Variants in ABI3BP observed in about 807,000 individuals in gnomAD.
ABI3BP encodes ABI family member 3 binding protein.
A neutral mutation model predicts 268.6 loss-of-function variants in ABI3BP; 216 were observed. That is an observed-to-expected ratio of 0.80 (90% CI 0.72 to 0.90). The LOEUF (loss-of-function observed/expected upper bound fraction) is 0.90. ABI3BP is among the 40% of genes least tolerant of loss of function. The pLI is 0.00. For missense variants in ABI3BP, 2,090 were observed against 2,182.4 expected (o/e 0.96, Z 0.84); for synonymous variants, 730 against 730.0 (o/e 1.00, Z 0.00).
chr3:100,885,467 T>C (rs971878296), intron 6 of ABI3BP, 69 bp downstream of exon 6: 9 of 863,690 alleles, frequency 1.0e-5, no homozygotes, highest in African/African-American at 1.0e-4. Flanking sequence ...TATCTTATAA[T>C]AAGACTATTT....
At chr3:100,976,177 G>C (rs2086096288) in intron 1 of ABI3BP, among the ~76,000 whole-genome samples, 2 of 152,128 alleles carry the variant, frequency 1.3e-5, no homozygotes, top group Admixed American at 1.3e-4. Context: ...TGTTGTGAGA[G>C]AGCCCTCATT....
chr3:100,751,310 T>A (rs2095312613), intron 67 of ABI3BP, among the ~76,000 whole-genome samples: 2 of 152,172 alleles, frequency 1.3e-5, no homozygotes, highest in South Asian at 4.1e-4. Flanking sequence ...AACTGCTTTT[T>A]TATAGCTGTT....
chr3:100,829,542 G>C, intron 33 of ABI3BP, 39 bp downstream of exon 33: 6 of 1,495,778 alleles, frequency 4.0e-6, no homozygotes, highest in Non-Finnish European at 5.4e-6. Context: ...CCACTGGGGT[G>C]GGCTGTTAGG....
intron 1 of ABI3BP, among the ~76,000 whole-genome samples, chr3:100,976,665 CCATGG>C (rs1473909461): frequency 6.6e-6 from 1 of 152,148 alleles, no homozygotes; most frequent in Non-Finnish European, 1.5e-5. Flanking sequence ...CATGAGAATG[CCATGG>C]CATAAGTTTC....
chr3:100,834,662 C>CTT (rs1278575993), intron 29 of ABI3BP, 22 bp downstream of exon 29: 3 of 1,533,496 alleles, frequency 2.0e-6, no homozygotes, highest in Non-Finnish European at 2.6e-6. Context: ...GCCACAGGGA[C>CTT]AAGGAACCAC....
Position 100,864,914 on chromosome 3 carries a change from G to A in ABI3BP, c.989-7C>T, listed in dbSNP as rs201161913. The A allele has an allele frequency of 6.5e-4, 1,040 of 1,595,436 alleles. 1 individual carries two copies. Among genetic ancestry groups the A allele is most frequent in the Non-Finnish European group, 8.5e-4 (996 of 1,170,674 alleles). On this transcript the variant is annotated splice_polypyrimidine_tract_variant and splice_region_variant and intron_variant, in intron 10 of 67. Transcript: ENST00000471714. Reference sequence around the variant, plus strand: ...GGAACTGTTTCAGGAGTCACTGAAAGGTAAAAAGCACAACTTTACAAATTA... The same window carrying A: ...GGAACTGTTTCAGGAGTCACTGAAAAGTAAAAAGCACAACTTTACAAATTA...
chr3:100,756,045 G>A (rs1391915631), intron 63 of ABI3BP, among the ~76,000 whole-genome samples: 4 of 152,214 alleles, frequency 2.6e-5, no homozygotes, highest in Non-Finnish European at 5.9e-5. Context: ...TCTAAGAACA[G>A]ATTCTAGTGC....
chr3:100,903,345 C>A (rs889442248), intron 2 of ABI3BP, among the ~76,000 whole-genome samples: 2 of 152,158 alleles, frequency 1.3e-5, no homozygotes, highest in Non-Finnish European at 2.9e-5. Context: ...AATCAATCAG[C>A]ATATGCTAAC....
At chr3:100,828,578 G>T in intron 33 of ABI3BP, 126 bp from the exon 34 acceptor site, 2 of 766,048 alleles carry the variant, frequency 2.6e-6, no homozygotes, top group South Asian at 1.9e-5. Flanking sequence ...AACACAATTA[G>T]CCTCCTGAGC....
intron 63 of ABI3BP, among the ~76,000 whole-genome samples, chr3:100,759,107 A>T (rs1156352616): frequency 3.3e-5 from 5 of 152,188 alleles, no homozygotes; most frequent in Non-Finnish European, 7.3e-5. Flanking sequence ...TTTTCATTCT[A>T]ACAAAAGTCT....
At chr3:100,949,398 G>A (rs757116915) in intron 1 of ABI3BP, among the ~76,000 whole-genome samples, 1 of 152,124 alleles carries the variant, frequency 6.6e-6, no homozygotes, top group Non-Finnish European at 1.5e-5. Context: ...TAGGACTACA[G>A]GTGTACAACA....
At chr3:100,893,118 T>C (rs2045553784) in intron 4 of ABI3BP, among the ~76,000 whole-genome samples, 1 of 152,226 alleles carries the variant, frequency 6.6e-6, no homozygotes, top group South Asian at 2.1e-4. Context: ...CTGAGTCTTC[T>C]AGCTTCCATC....
intron 14 of ABI3BP, among the ~76,000 whole-genome samples, chr3:100,854,332 C>G (rs2098913635): frequency 6.6e-6 from 1 of 152,116 alleles, no homozygotes; most frequent in East Asian, 1.9e-4. Flanking sequence ...GCACTCTAGC[C>G]TGCACGACAG....
At chr3:100,807,745 T>C (rs2152445158) in intron 50 of ABI3BP, among the ~76,000 whole-genome samples, 1 of 152,176 alleles carries the variant, frequency 6.6e-6, no homozygotes, top group South Asian at 2.1e-4. Context: ...GCCGGTATCC[T>C]GGGTGGGTGA....
In ABI3BP at chr3:100,775,207, C is replaced by T. The variant is rs1429896960; in HGVS notation, c.4462G>A (p.Glu1488Lys). 1 of 1,612,598 alleles carries T rather than the reference C, an allele frequency of 6.2e-7. No individual in the cohort carries two copies. Among genetic ancestry groups the T allele is most frequent in the Admixed American group, 1.7e-5 (1 of 59,864 alleles). ...PTVPASGEEL[E>K]NITDFSSSPT... ...AGTGAGAACTGATGGCCATACGAACCCAGTTCTTCTCCAGAGGCAGGAACT... is the reference window on the plus strand; with the variant it reads ...AGTGAGAACTGATGGCCATACGAACTCAGTTCTTCTCCAGAGGCAGGAACT... The change falls in exon 60 of 68, where the codon GAA becomes AAA. Residue 1488 changes from glutamate to lysine, a missense_variant and splice_region_variant. Transcript: ENST00000471714.
chr3:100,923,282 C>T (rs569376079), intron 2 of ABI3BP, among the ~76,000 whole-genome samples: 9 of 152,122 alleles, frequency 5.9e-5, no homozygotes, highest in Non-Finnish European at 1.3e-4. Flanking sequence ...TCTCTCACAT[C>T]CTCTTCCAGC....
chr3:100,877,280 G>C (rs1025300585), intron 6 of ABI3BP, among the ~76,000 whole-genome samples: 4 of 152,154 alleles, frequency 2.6e-5, no homozygotes, highest in African/African-American at 9.7e-5. Context: ...TCAATTGTTT[G>C]AGTGTATCCA....
chr3:100,993,031 C>G (rs1370189535), intron 1 of ABI3BP, among the ~76,000 whole-genome samples: 1 of 152,166 alleles, frequency 6.6e-6, no homozygotes, highest in Non-Finnish European at 1.5e-5. Context: ...TACACAAGCA[C>G]TATAGTTAGA....
chr3:100,752,844 C>G lies in ABI3BP; in HGVS notation c.5065G>C (p.Gly1689Arg). Residue 1689 changes from glycine (G) to arginine (R), a missense_variant, in exon 66 of 68, where the codon GGA (glycine) becomes CGA (arginine). Physicochemically the swap from Gly to Arg is moderately radical, Grantham distance 125 (BLOSUM62 -2). Coordinates refer to ENST00000471714, the MANE Select transcript of ABI3BP (RefSeq NM_001375547.2). ...VKRTWYKKFV[G>R]VQLCNSLRYK... ...CTGAGAGAGTTGCACAGCTGCACTC[C>G]TACAAATTTTTTATACCATGTCCTT... is the stretch of plus-strand genomic sequence containing the variant. 4 of 1,613,538 alleles carry G rather than the reference C, an allele frequency of 2.5e-6. No individual in the cohort carries two copies. Among genetic ancestry groups the G allele is most frequent in the Non-Finnish European group, 3.4e-6 (4 of 1,179,728 alleles).
Sources: gnomAD v4.1 joint callset for allele counts (sites outside exome capture counted in the v4.1 genomes callset) on GRCh38, gnomAD v4.1.1 for gene constraint, MANE v1.5 for transcripts, NCBI Gene and HGNC (gene_info 2026-07-23, HGNC 2026-07-21) for gene names.